Variants in CDON observed in about 807,000 individuals in gnomAD.
CDON encodes the protein cell adhesion associated, oncogene regulated.
CDON carries 73 observed loss-of-function variants against 120.9 expected under a neutral mutation model. The ratio of observed to expected loss-of-function variants is 0.60; its 90% CI spans 0.50 to 0.73. The LOEUF is 0.73. Ranked by LOEUF, CDON falls within the 30% of genes least tolerant of loss-of-function variation. The pLI is 0.00. For missense variants in CDON, 1,470 were observed against 1,587.3 expected, an observed-to-expected ratio of 0.93 and a Z score of 1.26; for synonymous variants, 566 against 573.5, an observed-to-expected ratio of 0.99 and a Z score of 0.19.
intron 7 of CDON, among the ~76,000 whole-genome samples, chr11:126,012,391 C>T (rs537785338): frequency 2.6e-5 from 4 of 151,884 alleles, no homozygotes; most frequent in South Asian, 2.1e-4. Context: ...TGCTGGTATG[C>T]AGAAAGGCAA....
At chr11:126,022,456 A>C (rs1947670736) in intron 2 of CDON, among the ~76,000 whole-genome samples, 1 of 152,200 alleles carries the variant, frequency 6.6e-6, no homozygotes. Flanking sequence ...TGTTATTTCT[A>C]TTACTCCAGG....
Position 125,964,111 on chromosome 11 carries a change from C to T in CDON, c.3357-2113G>A, listed in dbSNP as rs3886861. Reference sequence around the variant, plus strand: ...TTTCCTGCATTTTGTTCTTAGTCTCCCAATACTCAGGGAACCCTCAAGTCC... The same window carrying T: ...TTTCCTGCATTTTGTTCTTAGTCTCTCAATACTCAGGGAACCCTCAAGTCC... On this transcript the variant is annotated intron_variant, in intron 18 of 19. Coordinates refer to ENST00000531738, the MANE Select transcript of CDON (RefSeq NM_001378964.1). Among the ~76,000 whole-genome samples, 10 of 152,148 alleles carry T rather than the reference C, an allele frequency of 6.6e-5. No individual in the cohort carries two copies. In the East Asian group the frequency reaches 1.2e-3, roughly 18 times the overall value.
rs7119527 is a variant in CDON, at chr11:126,017,416, C to T, written c.641-41G>A. 148,422 of 1,583,714 alleles carry T rather than the reference C, an allele frequency of 0.094. 7,264 individuals carry two copies. Among genetic ancestry groups the T allele is most frequent in the Admixed American group, 0.14 (8,171 of 59,442 alleles). On this transcript the variant is annotated intron_variant, in intron 5 of 19. Transcript: ENST00000531738. ...AGATGAGAGATTATTAGTAAGTCTT[C>T]GATTCTAATCTCTTGCTTAGCAAAC...
intron 18 of CDON, among the ~76,000 whole-genome samples, chr11:125,964,477 G>C (rs1030486795): frequency 6.6e-6 from 1 of 152,234 alleles, no homozygotes; most frequent in East Asian, 1.9e-4. Context: ...GCCTGCCAAA[G>C]GCAGAAGTAA....
intron 1 of CDON, among the ~76,000 whole-genome samples, chr11:126,049,714 G>A (rs559152572): frequency 1.2e-4 from 19 of 152,266 alleles, no homozygotes; most frequent in African/African-American, 4.1e-4. Flanking sequence ...ACTTAAAACT[G>A]CAAAGCCTGA....
At chr11:126,057,963 T>C (rs1948717090) in intron 1 of CDON, among the ~76,000 whole-genome samples, 1 of 152,222 alleles carries the variant, frequency 6.6e-6, no homozygotes, top group South Asian at 2.1e-4. Context: ...TCTGTTATTA[T>C]ACCCATTTTA....
chr11:125,960,860 G>A lies in CDON; in HGVS notation c.*82C>T, dbSNP rs1214919746. ...ATGATTTTCTCTGATTTGAATTAAG[G>A]TCCTTCACACAGTTCGCTCCCAGGC... On this transcript the variant is annotated 3_prime_UTR_variant, in exon 20 of 20. Transcript: ENST00000531738. 4.1e-6 allele frequency: 5 copies of A among 1,206,182 alleles called. No individual in the cohort carries two copies. The highest frequency in any genetic ancestry group is 6.2e-6 in the Non-Finnish European group (5 of 810,466). The allele number at this position is 1,206,182 out of a possible 1,614,324, so 74.7% of individuals were successfully genotyped here. A position where few individuals can be genotyped will look rare whatever the true frequency, so the allele number is the denominator to read the frequency against.
intron 4 of CDON, 121 bp downstream of exon 4, chr11:126,019,498 G>A: frequency 9.5e-7 from 1 of 1,047,744 alleles, no homozygotes; most frequent in Non-Finnish European, 1.5e-6. Context: ...ATTTGTTTTA[G>A]TCCTCTCCAC....
chr11:125,989,756 G>C lies in CDON; in HGVS notation c.2654C>G (p.Ser885Ter). 2 of 1,612,142 alleles carry C rather than the reference G, an allele frequency of 1.2e-6. No homozygotes were observed. The highest frequency in any genetic ancestry group is 1.7e-6 in the Non-Finnish European group (2 of 1,178,778). The change falls in exon 15 of 20, where the codon TCA (serine) becomes TGA (stop). Residue 885 changes from serine to a stop codon, truncating the protein, a stop_gained. Transcript: ENST00000531738. LOFTEE classifies it high-confidence loss of function. The stretch of plus-strand genomic sequence containing the variant: ...GTGGCCAATCATGTGCCACTGCTTT[G>C]AACCTAAAAGGAAAAATAAAAGGCT... The part of the protein sequence containing the change: ...SDYKRDVVEG[S>*]KQWHMIGHLQ...
chr11:125,981,365 C>G (rs770262249), intron 16 of CDON, 36 bp from the exon 17 acceptor site: 4 of 1,359,622 alleles, frequency 2.9e-6, no homozygotes, highest in Non-Finnish European at 4.1e-6. Context: ...CACACGCACA[C>G]ACACACACGC....
chr11:126,062,277 C>G (rs928704507), intron 1 of CDON, among the ~76,000 whole-genome samples: 1 of 152,130 alleles, frequency 6.6e-6, no homozygotes, highest in African/African-American at 2.4e-5. Flanking sequence ...CCCCGCTCTG[C>G]GGCATCTCAC....
At chr11:126,031,300 T>C (rs1032709260) in intron 1 of CDON, among the ~76,000 whole-genome samples, 1 of 152,194 alleles carries the variant, frequency 6.6e-6, no homozygotes, top group Non-Finnish European at 1.5e-5. Flanking sequence ...TCGTCTAACA[T>C]GGGAATGGCT....
At chr11:126,018,508 C>T (rs1169531757) in intron 4 of CDON, 35 bp from the exon 5 acceptor site, 2 of 1,589,592 alleles carry the variant, frequency 1.3e-6, no homozygotes, top group South Asian at 1.1e-5. Flanking sequence ...AGGCCTCTCC[C>T]TTTATGAAGG....
chr11:126,005,505 A>T (rs1226562787), intron 9 of CDON: 5 of 528,164 alleles, frequency 9.5e-6, no homozygotes, highest in Non-Finnish European at 1.7e-5. Flanking sequence ...TTGAAGGGCT[A>T]AAACATTTGA....
At chr11:126,027,945 G>C (rs60929339) in intron 1 of CDON, among the ~76,000 whole-genome samples, 14,492 of 145,868 alleles carry the variant, frequency 0.099, 727 homozygotes, top group Admixed American at 0.13. Flanking sequence ...AGATAGAATA[G>C]AATTCTGACT....
chr11:125,968,028 T>G (rs1945854215), intron 18 of CDON, among the ~76,000 whole-genome samples: 1 of 152,164 alleles, frequency 6.6e-6, no homozygotes, highest in Admixed American at 6.5e-5. Context: ...GGCTAAAACC[T>G]ATATTTTAAA....
intron 11 of CDON, among the ~76,000 whole-genome samples, chr11:125,998,506 C>T (rs930849814): frequency 1.3e-5 from 2 of 152,126 alleles, no homozygotes. Context: ...TAACCTGAGG[C>T]CTCACTGGAA....
chr11:126,056,311 C>A (rs566009890), intron 1 of CDON, among the ~76,000 whole-genome samples: 3 of 152,192 alleles, frequency 2.0e-5, no homozygotes, highest in Non-Finnish European at 2.9e-5. Context: ...ATCACTATTT[C>A]AACGCTCCCA....
At position 126,017,365 on chromosome 11, in the gene CDON, T is replaced by C; in HGVS notation, c.651A>G (p.Ser217=). The change falls in exon 6 of 20, where the codon TCA becomes TCG. Residue 217 remains serine (S), a synonymous_variant. Coordinates refer to ENST00000531738, the MANE Select transcript of CDON (RefSeq NM_001378964.1). ...GRKLLVSRPS[S]DDVHILHPTH... Reference sequence around the variant, plus strand: ...TGGGGTGAAGAATGTGAACATCATCTGAAGAAGGACCTGGAAAAGGAAAGG... The same window carrying C: ...TGGGGTGAAGAATGTGAACATCATCCGAAGAAGGACCTGGAAAAGGAAAGG... 1 of 1,614,102 alleles carries C rather than the reference T, an allele frequency of 6.2e-7. No individual in the cohort carries two copies. Among genetic ancestry groups the C allele is most frequent in the South Asian group, 1.1e-5 (1 of 91,072 alleles).
Sources: gnomAD v4.1 joint callset for allele counts (sites outside exome capture counted in the v4.1 genomes callset) on GRCh38, gnomAD v4.1.1 for gene constraint, MANE v1.5 for transcripts, NCBI Gene and HGNC (gene_info 2026-07-23, HGNC 2026-07-21) for gene names.